Variants in ZNRF3 observed in about 807,000 individuals in gnomAD.
ZNRF3 encodes zinc and ring finger 3.
ZNRF3 carries 23 observed loss-of-function variants against 72.5 expected under a neutral mutation model. The ratio of observed to expected loss-of-function variants is 0.32; its 90% CI spans 0.23 to 0.45. The LOEUF (loss-of-function observed/expected upper bound fraction) is 0.45, where lower values mean the gene tolerates loss of function less well. ZNRF3 is among the 20% of genes least tolerant of loss of function. The pLI is 1.00. For synonymous variants in ZNRF3, 610 were observed against 545.3 expected (o/e 1.12, Z -1.65); for missense variants, 1,169 against 1,272.1 (o/e 0.92, Z 1.23).
Position 29,053,745 on chromosome 22 carries a change from AGAGCCCTCCTTGTCAACCCAAAATGT to A in ZNRF3, c.*130_*155del. On this transcript the variant is annotated 3_prime_UTR_variant, in exon 9 of 9. Coordinates refer to ENST00000544604, the MANE Select transcript of ZNRF3 (RefSeq NM_001206998.2). ...CAAACACACAAAAGTGGTAATAAAG[AGAGCCCTCCTTGTCAACCCAAAATGT>A]GAGCCCCCTGTGGCAAAACCACCCC... The A allele has an allele frequency of 2.0e-6, 2 of 996,902 alleles. No individual in the cohort carries two copies. Among genetic ancestry groups the A allele is most frequent in the South Asian group, 3.4e-5 (2 of 58,450 alleles). 61.8% of individuals were successfully genotyped at this position (996,902 alleles called of 1,614,324 possible).
chr22:28,890,880 C>T (rs2033873501), intron 1 of ZNRF3, among the ~76,000 whole-genome samples: 1 of 151,948 alleles, frequency 6.6e-6, no homozygotes, highest in African/African-American at 2.4e-5. Flanking sequence ...GCCTCAGCTT[C>T]CCCAGTTGCT....
chr22:28,921,118 T>G (rs1353167885), intron 1 of ZNRF3, among the ~76,000 whole-genome samples: 1 of 152,166 alleles, frequency 6.6e-6, no homozygotes, highest in South Asian at 2.1e-4. Flanking sequence ...CTTTGCCCCA[T>G]TGTTTAAAAA....
At chr22:28,885,284 A>G (rs1427747292) in intron 1 of ZNRF3, among the ~76,000 whole-genome samples, 1 of 152,064 alleles carries the variant, frequency 6.6e-6, no homozygotes, top group Non-Finnish European at 1.5e-5. Flanking sequence ...TGCCCTTACA[A>G]AGCTGGAGGA....
chr22:28,999,758 G>GA (rs2036112275), intron 2 of ZNRF3, among the ~76,000 whole-genome samples: 1 of 152,212 alleles, frequency 6.6e-6, no homozygotes, highest in Non-Finnish European at 1.5e-5. Flanking sequence ...GAAGCTCCCA[G>GA]AAAACCTGGA....
In ZNRF3 at chr22:28,904,047, C is replaced by T. The variant is rs1206372615; in HGVS notation, c.300+19981C>T. 4.0e-5 allele frequency among the ~76,000 whole-genome samples: 6 copies of T among 151,854 alleles called. No individual in the cohort carries two copies. In the South Asian group the frequency reaches 1.0e-3, roughly 26 times the overall value. ...TACTCACAGGGTGGAATTAATCTGG[C>T]GTTAGAGAGTGAGCTTGTTCTTATC... On this transcript the variant is annotated intron_variant, in intron 1 of 8. Coordinates refer to ENST00000544604, the MANE Select transcript of ZNRF3 (RefSeq NM_001206998.2).
chr22:28,915,196 G>A (rs2034387603), intron 1 of ZNRF3, among the ~76,000 whole-genome samples: 1 of 152,236 alleles, frequency 6.6e-6, no homozygotes, highest in South Asian at 2.1e-4. Flanking sequence ...CTGAAGGCTA[G>A]AAGTCCAGAA....
intron 1 of ZNRF3, among the ~76,000 whole-genome samples, chr22:28,933,329 T>A (rs918756247): frequency 6.6e-6 from 1 of 152,118 alleles, no homozygotes; most frequent in Non-Finnish European, 1.5e-5. Flanking sequence ...TTCAAAGCAG[T>A]TTTAGGTGTT....
chr22:28,944,520 C>T (rs2035010977), intron 1 of ZNRF3, among the ~76,000 whole-genome samples: 2 of 151,848 alleles, frequency 1.3e-5, no homozygotes, highest in Non-Finnish European at 1.5e-5. Flanking sequence ...TCTGGGAGGC[C>T]GAGGCAGGTG....
At chr22:28,994,187 T>A (rs1376579697) in intron 2 of ZNRF3, among the ~76,000 whole-genome samples, 1 of 111,878 alleles carries the variant, frequency 8.9e-6, no homozygotes, top group Admixed American at 9.2e-5. Context: ...TTTTTTTTTT[T>A]TTTTTTTTTT....
In ZNRF3 at chr22:29,051,680, G is replaced by A. The variant is rs960359179; in HGVS notation, c.2767+732G>A. Reference sequence around the variant, plus strand: ...CCTGCACTTTGGGAGGGCAAGGCGTGTGAATCACTTGAGTTCAGGAGTTCG... The same window carrying A: ...CCTGCACTTTGGGAGGGCAAGGCGTATGAATCACTTGAGTTCAGGAGTTCG... On this transcript the variant is annotated intron_variant, in intron 8 of 8. Coordinates refer to ENST00000544604, the MANE Select transcript of ZNRF3 (RefSeq NM_001206998.2). Among the ~76,000 whole-genome samples, 23 of 151,502 alleles carry A rather than the reference G, an allele frequency of 1.5e-4. 1 individual carries two copies. Among genetic ancestry groups the A allele is most frequent in the East Asian group, 5.8e-4 (3 of 5,174 alleles).
intron 1 of ZNRF3, among the ~76,000 whole-genome samples, chr22:28,932,917 C>T (rs978182197): frequency 4.6e-5 from 7 of 152,208 alleles, no homozygotes; most frequent in African/African-American, 7.2e-5. Flanking sequence ...TCTGTTCTCT[C>T]TGATCTTTCC....
At chr22:28,926,797 CAAAA>C (rs747908278) in intron 1 of ZNRF3, among the ~76,000 whole-genome samples, 1 of 77,492 alleles carries the variant, frequency 1.3e-5, no homozygotes, top group Non-Finnish European at 2.7e-5. Context: ...AACTCCATCT[CAAAA>C]AAAAAAAAAA....
intron 1 of ZNRF3, among the ~76,000 whole-genome samples, chr22:28,895,350 A>T (rs914093380): frequency 2.0e-5 from 3 of 152,122 alleles, no homozygotes; most frequent in Non-Finnish European, 2.9e-5. Context: ...CTCAACTCTG[A>T]GACTTAATTG....
intron 2 of ZNRF3, among the ~76,000 whole-genome samples, chr22:29,034,861 G>A (rs573638861): frequency 6.6e-6 from 1 of 152,216 alleles, no homozygotes; most frequent in East Asian, 1.9e-4. Context: ...GCTTGCTGCC[G>A]GCTGCTGTAT....
chr22:29,024,245 G>A (rs1601678851), intron 2 of ZNRF3, among the ~76,000 whole-genome samples: 1 of 146,174 alleles, frequency 6.8e-6, no homozygotes. Flanking sequence ...TCAGTCTCTC[G>A]AGTCTCTTTC....
chr22:28,903,857 A>G (rs1314146578), intron 1 of ZNRF3, among the ~76,000 whole-genome samples: 1 of 152,192 alleles, frequency 6.6e-6, no homozygotes, highest in Non-Finnish European at 1.5e-5. Context: ...GAATGTGTAT[A>G]GGGAAAACTG....
At chr22:28,955,852 C>T (rs1216243546) in intron 1 of ZNRF3, among the ~76,000 whole-genome samples, 1 of 151,930 alleles carries the variant, frequency 6.6e-6, no homozygotes, top group African/African-American at 2.4e-5. Context: ...CCAGGAGGTC[C>T]GGGCTGCAGT....
intron 1 of ZNRF3, among the ~76,000 whole-genome samples, chr22:28,929,622 C>G (rs1411467030): frequency 6.6e-6 from 1 of 152,062 alleles, no homozygotes; most frequent in Non-Finnish European, 1.5e-5. Flanking sequence ...TATAATAAGC[C>G]CCATCCCAAT....
chr22:28,905,654 C>T (rs1476132957), intron 1 of ZNRF3, among the ~76,000 whole-genome samples: 1 of 152,194 alleles, frequency 6.6e-6, no homozygotes, highest in African/African-American at 2.4e-5. Context: ...GCTGCTGTTA[C>T]TTACCTGGGC....
Sources: gnomAD v4.1 joint callset for allele counts (sites outside exome capture counted in the v4.1 genomes callset) on GRCh38, gnomAD v4.1.1 for gene constraint, MANE v1.5 for transcripts, NCBI Gene and HGNC (gene_info 2026-07-23, HGNC 2026-07-21) for gene names.